QARS1: variants seen among roughly 807,000 people sequenced by gnomAD.
The protein encoded by QARS1 is glutaminyl-tRNA synthetase 1, also known as glutamine--tRNA ligase.
Under a neutral mutation model 106.9 loss-of-function variants are expected in QARS1, and 79 were observed. That is an observed-to-expected ratio of 0.74 (90% CI 0.62 to 0.89). QARS1 has a LOEUF of 0.89. Ranked by LOEUF, QARS1 falls within the 40% of genes least tolerant of loss-of-function variation. QARS1 has a pLI of 0.00. For missense variants in QARS1, 966 were observed against 997.2 expected, an observed-to-expected ratio of 0.97 and a Z score of 0.42; for synonymous variants, 395 against 367.7, an observed-to-expected ratio of 1.07 and a Z score of -0.85.
At chr3:49,102,640 G>C (rs575603915) in intron 5 of QARS1, 168 bp from the exon 6 acceptor site, 1 of 698,654 alleles carries the variant, frequency 1.4e-6, no homozygotes, top group African/African-American at 1.8e-5. Context: ...AGCTTAAAAT[G>C]CTCTTGCTCT....
chr3:49,099,471 A>G, intron 16 of QARS1, 39 bp downstream of exon 16: 1 of 1,614,158 alleles, frequency 6.2e-7, no homozygotes, highest in Non-Finnish European at 8.5e-7. Flanking sequence ...TTGGGAGCAT[A>G]TGCCATTAAC....
rs758929887 is a variant in QARS1, at chr3:49,099,136, T to C, written c.1732A>G (p.Ile578Val). The C allele has an allele frequency of 3.1e-6, 5 of 1,614,086 alleles. No individual in the cohort carries two copies. Among genetic ancestry groups the C allele is most frequent in the East Asian group, 2.2e-5 (1 of 44,900 alleles). ...TTGGCAGCAGGAAAGTTGGTGATGATGACCCGTAGTGACTCCAGCACAGCC... is the reference window on the plus strand; with the variant it reads ...TTGGCAGCAGGAAAGTTGGTGATGACGACCCGTAGTGACTCCAGCACAGCC... Reference protein sequence around the residue: ...AMAVLESLRVIITNFPAAKSL... With the variant: ...AMAVLESLRVVITNFPAAKSL... The change falls in exon 18 of 24, where the codon ATC becomes GTC. Residue 578 changes from isoleucine (I) to valine (V), a missense_variant. By Grantham distance (29) the Ile-to-Val change is conservative. Transcript: ENST00000306125.
In QARS1 at chr3:49,102,499, G is replaced by C. The variant is rs771405053; in HGVS notation, c.517-27C>G. The C allele has an allele frequency of 3.7e-6, 6 of 1,613,558 alleles. No homozygotes were observed. In the Admixed American group the frequency reaches 8.3e-5, roughly 22 times the overall value. ...TGAGCAGAGACCAGAATCAGGCAGAGGCAGGAGTATCCTCTTTCAAGGAGC... is the reference window on the plus strand; with the variant it reads ...TGAGCAGAGACCAGAATCAGGCAGACGCAGGAGTATCCTCTTTCAAGGAGC... On this transcript the variant is annotated intron_variant, in intron 5 of 23. Coordinates refer to ENST00000306125, the MANE Select transcript of QARS1 (RefSeq NM_005051.3).
rs762919486 is a variant in QARS1 at position 49,102,187 on chromosome 3, G to A, written c.631+18C>T. ...GTCAGGGAGCTGAATGCTGTGACAG[G>A]AGTCTCAAGCTTCTCACCATTCTCC... On this transcript the variant is annotated intron_variant, in intron 7 of 23. Coordinates refer to ENST00000306125, the MANE Select transcript of QARS1 (RefSeq NM_005051.3). 16 of 1,614,168 alleles carry A rather than the reference G, an allele frequency of 9.9e-6. No individual in the cohort carries two copies. Among genetic ancestry groups the A allele is most frequent in the Non-Finnish European group, 1.4e-5 (16 of 1,179,992 alleles).
rs750907390 is a variant in QARS1, at chr3:49,099,130, T to C, written c.1738A>G (p.Thr580Ala). The change falls in exon 18 of 24, where the codon ACC (threonine) becomes GCC (alanine). Residue 580 changes from threonine (T) to alanine (A), a missense_variant. Transcript: ENST00000306125. ...AVLESLRVIITNFPAAKSLDI... is the reference protein window; with the variant it reads ...AVLESLRVIIANFPAAKSLDI... Reference sequence around the variant, plus strand: ...CCCACCTTGGCAGCAGGAAAGTTGGTGATGATGACCCGTAGTGACTCCAGC... The same window carrying C: ...CCCACCTTGGCAGCAGGAAAGTTGGCGATGATGACCCGTAGTGACTCCAGC... 8.1e-6 allele frequency: 13 copies of C among 1,613,962 alleles called. No individual in the cohort carries two copies. The African/African-American group carries it at 1.1e-4, about 13-fold the overall frequency.
Position 49,098,885 on chromosome 3 carries a change from C to A in QARS1, c.1863G>T (p.Glu621Asp). ...IVFIERTDFK[E>D]EPEPGFKRLA... Reference sequence around the variant, plus strand: ...GGGACCCTCCACCCCCACAATTTACCTCCTTGAAGTCAGTCCTCTCAATGA... The same window carrying A: ...GGGACCCTCCACCCCCACAATTTACATCCTTGAAGTCAGTCCTCTCAATGA... The change falls in exon 19 of 24, where the codon GAG (glutamate) becomes GAT (aspartate). Residue 621 changes from glutamate (E) to aspartate (D), a missense_variant and splice_region_variant. Transcript: ENST00000306125. 1.2e-6 allele frequency: 2 copies of A among 1,610,210 alleles called. No individual in the cohort carries two copies. Among genetic ancestry groups the A allele is most frequent in the Non-Finnish European group, 1.7e-6 (2 of 1,176,502 alleles).
chr3:49,098,749 A>G, intron 19 of QARS1, 57 bp from the exon 20 acceptor site: 2 of 1,520,404 alleles, frequency 1.3e-6, no homozygotes, highest in South Asian at 2.4e-5. Context: ...CAAGTGGGGA[A>G]GCTTCCCTAC....
intron 19 of QARS1, 26 bp downstream of exon 19, chr3:49,098,859 C>T (rs201811301): frequency 1.8e-5 from 29 of 1,583,360 alleles, no homozygotes; most frequent in African/African-American, 1.1e-4. Context: ...CAGCAGCAAA[C>T]GGGACCCTCC....
intron 5 of QARS1, among the ~76,000 whole-genome samples, chr3:49,103,101 G>A (rs568123800): frequency 1.3e-4 from 20 of 152,258 alleles, no homozygotes; most frequent in Non-Finnish European, 2.8e-4. Context: ...GGGACTACAG[G>A]TATACACCAC....
intron 2 of QARS1, 22 bp downstream of exon 2, chr3:49,104,302 G>T (rs761965444): frequency 6.2e-7 from 1 of 1,612,784 alleles, no homozygotes; most frequent in East Asian, 2.2e-5. Context: ...GTGCGAACTG[G>T]CAGGACAGGT....
chr3:49,102,669 C>T (rs2042486626), intron 5 of QARS1, 197 bp from the exon 6 acceptor site: 1 of 645,198 alleles, frequency 1.5e-6, no homozygotes, highest in Non-Finnish European at 2.8e-6. Flanking sequence ...AGACTGGAGT[C>T]TTGCTCATGT....
At position 49,099,912 on chromosome 3, in the gene QARS1, C is replaced by T. The variant is rs2042445061; in HGVS notation, c.1295+49G>A. ...GCCCTACTCTGCCCTACCCCATGGC[C>T]CATCGCCCTGCTCGGCAGCCCCACC... is the stretch of plus-strand genomic sequence containing the variant. On this transcript the variant is annotated intron_variant, in intron 14 of 23. Coordinates refer to ENST00000306125, the MANE Select transcript of QARS1 (RefSeq NM_005051.3). The T allele has an allele frequency of 1.9e-6, 3 of 1,613,970 alleles. No homozygotes were observed. The South Asian group carries it at 3.3e-5, about 18-fold the overall frequency.
At position 49,100,280 on chromosome 3, in the gene QARS1, G is replaced by C. The variant is rs1473503861; in HGVS notation, c.1074C>G (p.Cys358Trp). 1 of 1,614,238 alleles carries C rather than the reference G, an allele frequency of 6.2e-7. No homozygotes were observed. Among genetic ancestry groups the C allele is most frequent in the Non-Finnish European group, 8.5e-7 (1 of 1,180,040 alleles). The change falls in exon 13 of 24, where the codon TGC becomes TGG. Residue 358 changes from cysteine (C) to tryptophan (W), a missense_variant. By Grantham distance (215) the Cys-to-Trp change is radical. Coordinates refer to ENST00000306125, the MANE Select transcript of QARS1 (RefSeq NM_005051.3). The part of the protein sequence containing the change: ...ELIRRGLAYV[C>W]HQRGEELKGH... ...CTTTGAGCTCCTCTCCTCGCTGGTG[G>C]CACACATAAGCCAGACCCCTGTGGG...
At chr3:49,102,302 A>G (rs1326137316) in intron 6 of QARS1, 37 bp from the exon 7 acceptor site, 2 of 1,613,972 alleles carry the variant, frequency 1.2e-6, no homozygotes, top group African/African-American at 2.7e-5. Context: ...AAATGGCATC[A>G]AATTTTCTCT....
At chr3:49,098,543 T>TACTC in intron 20 of QARS1, 57 bp downstream of exon 20, 3 of 1,611,522 alleles carry the variant, frequency 1.9e-6, no homozygotes. Flanking sequence ...CTGCAGGCTA[T>TACTC]ACTCACATCT....
At chr3:49,104,579 T>C (rs753341873) in intron 1 of QARS1, 38 bp downstream of exon 1, 2 of 1,597,844 alleles carry the variant, frequency 1.3e-6, no homozygotes, top group Admixed American at 1.7e-5. Context: ...CGTTGCAGCA[T>C]GGTCTGCAAA....
chr3:49,101,961 G>C, intron 7 of QARS1, 62 bp from the exon 8 acceptor site: 1 of 1,522,186 alleles, frequency 6.6e-7, no homozygotes, highest in Non-Finnish European at 8.9e-7. Context: ...CCTACAGCCA[G>C]AACAGAACTG....
Position 49,103,683 on chromosome 3 carries a change from G to A in QARS1, c.399C>T (p.His133=), listed in dbSNP as rs5030795. 156,551 of 1,613,334 alleles carry A rather than the reference G, an allele frequency of 0.097. 8,236 individuals are homozygous for A. Among genetic ancestry groups the A allele is most frequent in the Non-Finnish European group, 0.11 (127,286 of 1,179,554 alleles). ...EEAVEAAINR[H]RPQLLVERYH... ...AACGTTCCACCAGGAGCTGGGGCCGGTGCCTGTTAATAGCAGCCTCCACCT... is the reference window on the plus strand; with the variant it reads ...AACGTTCCACCAGGAGCTGGGGCCGATGCCTGTTAATAGCAGCCTCCACCT... Residue 133 remains histidine (H), a synonymous_variant, in exon 4 of 24, where the codon CAC becomes CAT. Transcript: ENST00000306125.
intron 9 of QARS1, 76 bp downstream of exon 9, chr3:49,101,544 G>A (rs2042471155): frequency 1.3e-6 from 2 of 1,579,808 alleles, no homozygotes; most frequent in East Asian, 4.5e-5. Flanking sequence ...GGGTGAGATG[G>A]GGCAGTATGG....
Sources: allele counts gnomAD v4.1 joint callset (sites outside exome capture counted in the v4.1 genomes callset), GRCh38; gene constraint gnomAD v4.1.1; transcripts MANE v1.5; gene names NCBI Gene and HGNC (gene_info 2026-07-23, HGNC 2026-07-21).